The following EXOC6B variants were observed in gnomAD, a reference collection of about 807,000 sequenced individuals.
The protein encoded by EXOC6B is SEC15 homolog B.
A neutral mutation model predicts 113.5 loss-of-function variants in EXOC6B; 54 were observed. The ratio of observed to expected loss-of-function variants is 0.48; its 90% CI spans 0.38 to 0.60. EXOC6B has a LOEUF of 0.60. Ranked by LOEUF, EXOC6B falls within the 20% of genes least tolerant of loss-of-function variation. The pLI, the probability that EXOC6B is intolerant of heterozygous loss-of-function variation, is 0.00. For missense variants in EXOC6B, 797 were observed against 977.5 expected (o/e 0.82, Z 2.46); for synonymous variants, 357 against 339.0 (o/e 1.05, Z -0.58).
At chr2:72,609,816 C>T (rs1573481072) in intron 6 of EXOC6B, among the ~76,000 whole-genome samples, 1 of 152,000 alleles carries the variant, frequency 6.6e-6, no homozygotes, top group South Asian at 2.1e-4. Flanking sequence ...ATAGAAAAAG[C>T]CTCATACTTA....
At chr2:72,401,245 T>C (rs960891232) in intron 18 of EXOC6B, among the ~76,000 whole-genome samples, 1 of 150,886 alleles carries the variant, frequency 6.6e-6, no homozygotes, top group Non-Finnish European at 1.5e-5. Flanking sequence ...GTGGATCACC[T>C]GAGGTCAGGA....
intron 1 of EXOC6B, among the ~76,000 whole-genome samples, chr2:72,744,817 G>A (rs891396182): frequency 6.6e-6 from 1 of 151,916 alleles, no homozygotes; most frequent in Non-Finnish European, 1.5e-5. Flanking sequence ...GTTAAGAAAT[G>A]CAGAACTTAT....
intron 20 of EXOC6B, among the ~76,000 whole-genome samples, chr2:72,241,253 C>T (rs1682292373): frequency 6.6e-6 from 1 of 152,036 alleles, no homozygotes; most frequent in Non-Finnish European, 1.5e-5. Context: ...TGATGGGGTC[C>T]TCAATAGACT....
chr2:72,499,754 G>A (rs1194210012), intron 12 of EXOC6B, 147 bp downstream of exon 12: 2 of 593,236 alleles, frequency 3.4e-6, no homozygotes, highest in Non-Finnish European at 3.1e-6. Context: ...GGCTAGTCTT[G>A]GACTCTTGGA....
intron 1 of EXOC6B, among the ~76,000 whole-genome samples, chr2:72,809,866 A>C (rs1685785036): frequency 6.6e-6 from 1 of 152,194 alleles, no homozygotes. Context: ...GAAAATCATA[A>C]ATCAACAGAT....
intron 11 of EXOC6B, 45 bp downstream of exon 11, chr2:72,513,083 TATAG>T (rs1335285317): frequency 5.6e-6 from 9 of 1,602,732 alleles, no homozygotes; most frequent in Non-Finnish European, 6.8e-6. Flanking sequence ...ACACTGAATA[TATAG>T]ATAATCAGCT....
At chr2:72,274,974 A>C (rs1489534426) in intron 20 of EXOC6B, among the ~76,000 whole-genome samples, 1 of 152,140 alleles carries the variant, frequency 6.6e-6, no homozygotes, top group Non-Finnish European at 1.5e-5. Context: ...AATGATGCAG[A>C]GTTCTTTTTT....
chr2:72,658,207 A>G (rs968071988), intron 6 of EXOC6B, among the ~76,000 whole-genome samples: 83 of 150,030 alleles, frequency 5.5e-4, no homozygotes, highest in African/African-American at 1.8e-3. Context: ...ATTGGAGCAG[A>G]CAGAAGAAAC....
chr2:72,707,645 C>T (rs895286709), intron 6 of EXOC6B, among the ~76,000 whole-genome samples: 4 of 152,050 alleles, frequency 2.6e-5, no homozygotes, highest in African/African-American at 9.7e-5. Flanking sequence ...AACTCCTGAC[C>T]TCGTGATCCA....
intron 1 of EXOC6B, among the ~76,000 whole-genome samples, chr2:72,818,737 C>T (rs964514137): frequency 3.3e-5 from 5 of 152,210 alleles, no homozygotes; most frequent in African/African-American, 7.2e-5. Flanking sequence ...TCTTAGTCTA[C>T]ATGATCTGGA....
At chr2:72,769,352 T>C (rs1683278625) in intron 1 of EXOC6B, among the ~76,000 whole-genome samples, 1 of 152,088 alleles carries the variant, frequency 6.6e-6, no homozygotes. Flanking sequence ...GGAACAAAAT[T>C]ACATGTAAAA....
rs1264430142 is a variant in EXOC6B at position 72,759,968 on chromosome 2, ACT to A, written c.114-18501_114-18500del. ...CAGAACAAGGGAGTTGCGTCAGTGA[ACT>A]CTCTGCTCTTTCAAGTTGGAAGGAC... is the stretch of plus-strand genomic sequence containing the variant. On this transcript the variant is annotated intron_variant, in intron 1 of 21. Coordinates refer to ENST00000272427, the MANE Select transcript of EXOC6B (RefSeq NM_015189.3). 4.6e-5 allele frequency among the ~76,000 whole-genome samples: 7 copies of A among 152,220 alleles called. No homozygotes were observed. In the South Asian group the frequency reaches 1.0e-3, roughly 23 times the overall value.
chr2:72,730,941 C>G, intron 5 of EXOC6B, 66 bp downstream of exon 5: 1 of 1,147,942 alleles, frequency 8.7e-7, no homozygotes, highest in Admixed American at 2.9e-5. Context: ...AAATATGGAC[C>G]TAAACGTATT....
chr2:72,518,519 T>TGG (rs760464624), intron 8 of EXOC6B, among the ~76,000 whole-genome samples: 2 of 140,612 alleles, frequency 1.4e-5, no homozygotes, highest in Non-Finnish European at 1.6e-5. Flanking sequence ...TGTGTGTGTG[T>TGG]GGTGGGTGGG....
At chr2:72,716,433 G>C (rs1038288204) in intron 6 of EXOC6B, among the ~76,000 whole-genome samples, 1 of 151,656 alleles carries the variant, frequency 6.6e-6, no homozygotes, top group Non-Finnish European at 1.5e-5. Flanking sequence ...TTACACTCTC[G>C]GTACTACAAA....
chr2:72,773,208 C>T (rs1165857498), intron 1 of EXOC6B, among the ~76,000 whole-genome samples: 1 of 145,184 alleles, frequency 6.9e-6, no homozygotes, highest in Admixed American at 7.1e-5. Context: ...CTCACTGCAG[C>T]CTCAACCTCC....
intron 20 of EXOC6B, among the ~76,000 whole-genome samples, chr2:72,194,640 G>A (rs563646514): frequency 6.6e-6 from 1 of 151,516 alleles, no homozygotes; most frequent in Non-Finnish European, 1.5e-5. Context: ...ACTCAGAGCA[G>A]AAGCTGTTTC....
chr2:72,338,557 A>G (rs550072436), intron 19 of EXOC6B, among the ~76,000 whole-genome samples: 2 of 152,292 alleles, frequency 1.3e-5, no homozygotes, highest in African/African-American at 2.4e-5. Context: ...AATTTTCATT[A>G]GTATTGTTTT....
At chr2:72,789,415 G>T (rs370978827) in intron 1 of EXOC6B, among the ~76,000 whole-genome samples, 1 of 152,192 alleles carries the variant, frequency 6.6e-6, no homozygotes, top group Non-Finnish European at 1.5e-5. Context: ...AGATGGGCAT[G>T]TTTGGTGGTT....
Sources: gnomAD v4.1 joint callset for allele counts (sites outside exome capture counted in the v4.1 genomes callset) on GRCh38, gnomAD v4.1.1 for gene constraint, MANE v1.5 for transcripts, NCBI Gene and HGNC (gene_info 2026-07-23, HGNC 2026-07-21) for gene names.